Variants in FUT8 observed in about 807,000 individuals in gnomAD.
The protein encoded by FUT8 is fucosyltransferase 8, also known as alpha-(1,6)-fucosyltransferase.
In FUT8, 29 loss-of-function variants were observed where a neutral mutation model predicts 71.3. That is an observed-to-expected ratio of 0.41 (90% confidence interval 0.30 to 0.55). The LOEUF (loss-of-function observed/expected upper bound fraction) is 0.55, where lower values mean the gene tolerates loss of function less well. Ranked by LOEUF, FUT8 falls within the 20% of genes least tolerant of loss-of-function variation. FUT8 has a pLI of 0.34. For synonymous variants in FUT8, 254 were observed against 239.3 expected (o/e 1.06, Z -0.57); for missense variants, 544 against 702.1 (o/e 0.77, Z 2.55).
chr14:65,512,920 A>AG (rs1555366746), intron 2 of FUT8, among the ~76,000 whole-genome samples: 4 of 151,450 alleles, frequency 2.6e-5, no homozygotes, highest in Non-Finnish European at 4.4e-5. Context: ...AAAAAAAAAA[A>AG]AAAAAGAAAA....
chr14:65,551,382 A>C (rs1885273752), intron 2 of FUT8, among the ~76,000 whole-genome samples: 1 of 152,164 alleles, frequency 6.6e-6, no homozygotes, highest in Non-Finnish European at 1.5e-5. Context: ...ATCTTTAGGA[A>C]ATGTAGGAGG....
the FUT8 span, among the ~76,000 whole-genome samples, chr14:65,385,058 A>AT: frequency 0.13 from 19,729 of 148,864 alleles, 1,893 homozygotes; most frequent in East Asian, 0.54. Flanking sequence ...TGCCTGGCTA[A>AT]TTTTTTTTTT....
intron 2 of FUT8, among the ~76,000 whole-genome samples, chr14:65,542,560 A>G (rs899272108): frequency 2.0e-5 from 3 of 152,194 alleles, no homozygotes; most frequent in Non-Finnish European, 4.4e-5. Context: ...TGATACCATT[A>G]TGATATTCTT....
rs769238508 is a variant in FUT8, at chr14:65,669,498, C to T, written c.835+18C>T. ...CTGGTCAGGTAAGGAGCTTGTGCAG[C>T]ATATGAGATCTCTGGGCTGTTTCAC... On this transcript the variant is annotated intron_variant, in intron 7 of 10. Coordinates refer to ENST00000673929, the MANE Select transcript of FUT8 (RefSeq NM_001371533.1). The surrounding 1 kb of genome is among the most constrained non-coding windows in gnomAD (Gnocchi z 4.5). The T allele has an allele frequency of 2.0e-6, 3 of 1,536,490 alleles. No individual in the cohort carries two copies. In the African/African-American group the frequency reaches 4.1e-5, roughly 21 times the overall value.
At chr14:65,498,068 C>G (rs2066587863) in intron 2 of FUT8, among the ~76,000 whole-genome samples, 1 of 152,122 alleles carries the variant, frequency 6.6e-6, no homozygotes, top group African/African-American at 2.4e-5. Context: ...AAAGAATAAT[C>G]AGGAATGCTC....
At chr14:65,567,271 A>G (rs769119337) in intron 3 of FUT8, among the ~76,000 whole-genome samples, 10 of 152,054 alleles carry the variant, frequency 6.6e-5, no homozygotes, top group Non-Finnish European at 1.3e-4. Flanking sequence ...CAAAGAATGT[A>G]TGATTAATTT....
intron 2 of FUT8, among the ~76,000 whole-genome samples, chr14:65,505,420 C>G (rs1433825172): frequency 6.8e-6 from 1 of 146,922 alleles, no homozygotes; most frequent in Admixed American, 6.9e-5. Flanking sequence ...TCACGCCATT[C>G]TCCTGCCTCA....
At chr14:65,515,391 A>G (rs1882642336) in intron 2 of FUT8, among the ~76,000 whole-genome samples, 3 of 152,022 alleles carry the variant, frequency 2.0e-5, no homozygotes. Flanking sequence ...TTGAAATAGC[A>G]CCTCTAGAAG....
At chr14:65,535,766 G>A (rs1884263496) in intron 2 of FUT8, among the ~76,000 whole-genome samples, 1 of 152,070 alleles carries the variant, frequency 6.6e-6, no homozygotes, top group South Asian at 2.1e-4. Flanking sequence ...TTTGTTTTGG[G>A]GTAGAGTTCT....
intron 3 of FUT8, among the ~76,000 whole-genome samples, chr14:65,604,154 GTAATAA>G (rs1242149944): frequency 1.3e-5 from 2 of 151,570 alleles, no homozygotes; most frequent in Non-Finnish European, 2.9e-5. Flanking sequence ...AACAAAATAA[GTAATAA>G]TAATAACTCC....
intron 2 of FUT8, among the ~76,000 whole-genome samples, chr14:65,495,132 A>G (rs1416590457): frequency 6.6e-6 from 1 of 150,428 alleles, no homozygotes; most frequent in East Asian, 1.9e-4. Context: ...AGGATTTAAT[A>G]TGTTTATAGT....
intron 3 of FUT8, among the ~76,000 whole-genome samples, chr14:65,613,798 C>T (rs898957070): frequency 4.6e-5 from 7 of 152,032 alleles, no homozygotes; most frequent in Admixed American, 6.6e-5. Context: ...AAAAACCTTT[C>T]GTATCAGAGT....
At chr14:65,417,143 C>G (rs2065231060) in intron 1 of FUT8, among the ~76,000 whole-genome samples, 1 of 151,898 alleles carries the variant, frequency 6.6e-6, no homozygotes, top group South Asian at 2.1e-4. Flanking sequence ...TTAAAAGAGA[C>G]AGGGTCTTGC....
intron 5 of FUT8, among the ~76,000 whole-genome samples, chr14:65,618,011 A>T (rs1176007735): frequency 1.1e-4 from 2 of 18,660 alleles, no homozygotes; most frequent in South Asian, 3.2e-3. Context: ...AAATTAATTC[A>T]TATATATATA....
chr14:65,434,787 CT>C (rs373145240), intron 1 of FUT8, among the ~76,000 whole-genome samples: 1 of 152,016 alleles, frequency 6.6e-6, no homozygotes, highest in South Asian at 2.1e-4. Flanking sequence ...GCCCCCCCAC[CT>C]TTTTTTTCTT....
At chr14:65,527,615 G>C (rs907500505) in intron 2 of FUT8, among the ~76,000 whole-genome samples, 4 of 152,012 alleles carry the variant, frequency 2.6e-5, no homozygotes, top group Non-Finnish European at 5.9e-5. Context: ...TTTGGAGGGG[G>C]AGAGGCGCTC....
At chr14:65,450,947 C>A (rs1000008276) in intron 1 of FUT8, among the ~76,000 whole-genome samples, 1 of 151,866 alleles carries the variant, frequency 6.6e-6, no homozygotes, top group Non-Finnish European at 1.5e-5. Flanking sequence ...AGCTCCGCCT[C>A]CCAGGTTCAC....
intron 3 of FUT8, among the ~76,000 whole-genome samples, chr14:65,592,540 C>T (rs897985591): frequency 1.3e-5 from 2 of 152,074 alleles, no homozygotes; most frequent in African/African-American, 4.8e-5. Context: ...AAAGAAGACT[C>T]TACCAGAGGA....
the FUT8 span, among the ~76,000 whole-genome samples, chr14:65,365,241 G>A: frequency 6.6e-6 from 1 of 151,952 alleles, no homozygotes; most frequent in Admixed American, 6.6e-5. Context: ...TGCAATGTCT[G>A]ATGAGTGTCT....
Sources: gnomAD v4.1 joint callset for allele counts (sites outside exome capture counted in the v4.1 genomes callset) on GRCh38, gnomAD v4.1.1 for gene constraint, Gnocchi (gnomAD v3.1) non-coding constraint, MANE v1.5 for transcripts, NCBI Gene and HGNC (gene_info 2026-07-23, HGNC 2026-07-21) for gene names.